Variants in PCDH9 observed in about 807,000 individuals in gnomAD.
The protein encoded by PCDH9 is protocadherin-9.
A neutral mutation model predicts 70.6 loss-of-function variants in PCDH9; 24 were observed. That is an observed-to-expected ratio of 0.34 (90% CI 0.25 to 0.48). The LOEUF is 0.48. PCDH9 is among the 20% of genes least tolerant of loss of function. The probability of loss-of-function intolerance (pLI) is 0.99; values close to 1 mark genes in which losing one functional copy is unlikely to be tolerated. For missense variants in PCDH9, 1,281 were observed against 1,503.6 expected (o/e 0.85, Z 2.45); for synonymous variants, 562 against 558.5 (o/e 1.01, Z -0.09).
chr13:67,130,811 G>A (rs2087095140), intron 2 of PCDH9, among the ~76,000 whole-genome samples: 7 of 151,912 alleles, frequency 4.6e-5, no homozygotes, highest in Admixed American at 3.9e-4. Flanking sequence ...TAGCCTGTAT[G>A]CACCGGTGGG....
At chr13:67,126,487 A>G (rs2086982964) in intron 2 of PCDH9, among the ~76,000 whole-genome samples, 1 of 152,202 alleles carries the variant, frequency 6.6e-6, no homozygotes, top group African/African-American at 2.4e-5. Context: ...GGCATTTATG[A>G]TCCTGTATCC....
At chr13:66,689,692 C>T (rs929181215) in intron 3 of PCDH9, among the ~76,000 whole-genome samples, 3 of 152,008 alleles carry the variant, frequency 2.0e-5, no homozygotes, top group Non-Finnish European at 4.4e-5. Flanking sequence ...AAAAAATTAA[C>T]CTCAAAAAGG....
At chr13:67,170,052 G>T (rs1340163757) in intron 2 of PCDH9, among the ~76,000 whole-genome samples, 2 of 151,980 alleles carry the variant, frequency 1.3e-5, no homozygotes, top group African/African-American at 2.4e-5. Flanking sequence ...CTGCTTATTT[G>T]CAGGTGGTTC....
intron 4 of PCDH9, among the ~76,000 whole-genome samples, chr13:66,407,031 G>A (rs1039298447): frequency 6.6e-6 from 1 of 152,138 alleles, no homozygotes; most frequent in Non-Finnish European, 1.5e-5. Context: ...CAAGGTTTAT[G>A]TGCTTATCTC....
At chr13:66,378,945 T>C (rs1956794991) in intron 4 of PCDH9, among the ~76,000 whole-genome samples, 1 of 152,228 alleles carries the variant, frequency 6.6e-6, no homozygotes, top group African/African-American at 2.4e-5. Context: ...GCAAGTCACC[T>C]TCAAGCTGTC....
At chr13:66,916,734 T>C (rs1444573908) in intron 2 of PCDH9, among the ~76,000 whole-genome samples, 1 of 151,568 alleles carries the variant, frequency 6.6e-6, no homozygotes, top group Non-Finnish European at 1.5e-5. Flanking sequence ...CTGATGCCAT[T>C]GTACATATCT....
intron 2 of PCDH9, among the ~76,000 whole-genome samples, chr13:66,927,674 G>T (rs1039039498): frequency 2.6e-5 from 4 of 152,052 alleles, no homozygotes; most frequent in Non-Finnish European, 5.9e-5. Flanking sequence ...AGATCTGGCT[G>T]TGTTCTTTCT....
At chr13:67,038,681 T>A (rs887715434) in intron 2 of PCDH9, among the ~76,000 whole-genome samples, 3 of 152,226 alleles carry the variant, frequency 2.0e-5, no homozygotes, top group African/African-American at 7.2e-5. Context: ...ACTATTGTGA[T>A]ATTATGCTAG....
intron 2 of PCDH9, among the ~76,000 whole-genome samples, chr13:67,195,385 CACCCGCCT>C (rs2089035040): frequency 6.6e-6 from 1 of 152,088 alleles, no homozygotes; most frequent in Non-Finnish European, 1.5e-5. Context: ...CCCTGTGATC[CACCCGCCT>C]CGGCCTCCCA....
At chr13:66,735,160 A>G (rs1016056414) in intron 3 of PCDH9, among the ~76,000 whole-genome samples, 3 of 152,202 alleles carry the variant, frequency 2.0e-5, no homozygotes, top group African/African-American at 7.2e-5. Flanking sequence ...CAAAATTTCA[A>G]AAGAGTATCA....
intron 4 of PCDH9, among the ~76,000 whole-genome samples, chr13:66,523,410 T>A (rs780806469): frequency 1.3e-5 from 2 of 151,956 alleles, no homozygotes; most frequent in Non-Finnish European, 2.9e-5. Flanking sequence ...GAAGATAATA[T>A]GAGAAAAATA....
At chr13:66,362,443 A>G (rs1426151085) in intron 4 of PCDH9, among the ~76,000 whole-genome samples, 2 of 152,140 alleles carry the variant, frequency 1.3e-5, no homozygotes, top group Admixed American at 6.6e-5. Flanking sequence ...CCAACATTAC[A>G]GATATCTTAC....
intron 2 of PCDH9, among the ~76,000 whole-genome samples, chr13:66,922,467 A>G (rs1163789801): frequency 6.6e-6 from 1 of 151,384 alleles, no homozygotes; most frequent in Non-Finnish European, 1.5e-5. Flanking sequence ...ATGCTAATAG[A>G]CATTTTGTAT....
At chr13:66,796,243 G>C (rs1332199248) in intron 3 of PCDH9, among the ~76,000 whole-genome samples, 1 of 152,106 alleles carries the variant, frequency 6.6e-6, no homozygotes, top group Admixed American at 6.6e-5. Flanking sequence ...TATTTATTCA[G>C]CCAGCTCCAT....
At chr13:66,696,844 G>A (rs2078570379) in intron 3 of PCDH9, among the ~76,000 whole-genome samples, 1 of 140,620 alleles carries the variant, frequency 7.1e-6, no homozygotes, top group Non-Finnish European at 1.5e-5. Flanking sequence ...GCTCATACGT[G>A]TAATCCCAGC....
chr13:66,452,237 A>G (rs1958228843), intron 4 of PCDH9, among the ~76,000 whole-genome samples: 1 of 152,174 alleles, frequency 6.6e-6, no homozygotes, highest in African/African-American at 2.4e-5. Context: ...TTCTAATAAT[A>G]TGACCTATGA....
At chr13:66,750,449 G>A (rs1330457305) in intron 3 of PCDH9, among the ~76,000 whole-genome samples, 1 of 151,996 alleles carries the variant, frequency 6.6e-6, no homozygotes, top group Non-Finnish European at 1.5e-5. Flanking sequence ...AGGACCAACT[G>A]TGTAAAGAAA....
intron 2 of PCDH9, among the ~76,000 whole-genome samples, chr13:67,106,300 T>C (rs1244532849): frequency 6.6e-6 from 1 of 152,220 alleles, no homozygotes; most frequent in Admixed American, 6.5e-5. Flanking sequence ...TACTATGTGG[T>C]AGATACATGT....
chr13:67,031,508 C>T (rs1594416206), intron 2 of PCDH9, among the ~76,000 whole-genome samples: 1 of 151,974 alleles, frequency 6.6e-6, no homozygotes, highest in Non-Finnish European at 1.5e-5. Flanking sequence ...AGTGGTGAAA[C>T]CCTGTCTCTA....
Sources: gnomAD v4.1 joint callset for allele counts (sites outside exome capture counted in the v4.1 genomes callset) on GRCh38, gnomAD v4.1.1 for gene constraint, MANE v1.5 for transcripts, NCBI Gene and HGNC (gene_info 2026-07-23, HGNC 2026-07-21) for gene names.